Variants in SPAG9 observed in about 807,000 individuals in gnomAD.
SPAG9 encodes sperm associated antigen 9, also known as C-Jun-amino-terminal kinase-interacting protein 4.
In SPAG9, 35 loss-of-function variants were observed where a neutral mutation model predicts 166.5. That is an observed-to-expected ratio of 0.21 (90% confidence interval 0.16 to 0.28). The LOEUF is 0.28. Among genes scored for constraint, SPAG9 ranks in the 10% least tolerant of loss-of-function variants. The probability of loss-of-function intolerance (pLI) is 1.00; values close to 1 mark genes in which losing one functional copy is unlikely to be tolerated. For missense variants in SPAG9, 1,235 were observed against 1,603.3 expected (o/e 0.77, Z 3.92); for synonymous variants, 534 against 565.5 (o/e 0.94, Z 0.79).
chr17:51,022,633 A>AATG (rs2045984258), intron 6 of SPAG9, among the ~76,000 whole-genome samples: 1 of 148,294 alleles, frequency 6.7e-6, no homozygotes, highest in South Asian at 2.1e-4. Flanking sequence ...CACCACCACT[A>AATG]ATAATAATAA....
intron 2 of SPAG9, among the ~76,000 whole-genome samples, chr17:51,060,288 TG>T (rs1240608116): frequency 6.6e-6 from 1 of 151,766 alleles, no homozygotes; most frequent in Non-Finnish European, 1.5e-5. Flanking sequence ...GTGGATTACC[TG>T]GGCAAGAGTT....
intron 1 of SPAG9, among the ~76,000 whole-genome samples, chr17:51,109,726 CTTTTT>C (rs1474600982): frequency 1.3e-5 from 2 of 150,986 alleles, no homozygotes; most frequent in South Asian, 2.1e-4. Context: ...CTTTTCTTTT[CTTTTT>C]GACAGAGTCT....
At chr17:51,026,320 GAAAAAAAAAAAAAA>G (rs55851511) in intron 6 of SPAG9, among the ~76,000 whole-genome samples, 2 of 89,370 alleles carry the variant, frequency 2.2e-5, no homozygotes, top group African/African-American at 4.2e-5. Context: ...GGTGAAAAGA[GAAAAAAAAAAAAAA>G]AAAAAAAAAA....
At chr17:51,044,183 A>G (rs2046940423) in intron 4 of SPAG9, among the ~76,000 whole-genome samples, 1 of 152,224 alleles carries the variant, frequency 6.6e-6, no homozygotes, top group South Asian at 2.1e-4. Flanking sequence ...AAGGGAGAGA[A>G]GGACGCATAA....
rs1486849329 is a variant in SPAG9 at position 51,120,019 on chromosome 17, C to T, written c.303+335G>A. 6.6e-6 allele frequency among the ~76,000 whole-genome samples: 1 copy of T among 152,216 alleles called. No homozygotes were observed. Among genetic ancestry groups the T allele is most frequent in the Non-Finnish European group, 1.5e-5 (1 of 68,042 alleles). On this transcript the variant is annotated intron_variant, in intron 1 of 29. Transcript: ENST00000262013. The surrounding 1 kb of genome is among the most constrained non-coding windows in gnomAD (Gnocchi z 4.7). Reference sequence around the variant, plus strand: ...CGCCATCTGACTATCCCACGGTGGTCGGAAACTTCCCTCAACAAGAAGCAA... The same window carrying T: ...CGCCATCTGACTATCCCACGGTGGTTGGAAACTTCCCTCAACAAGAAGCAA...
chr17:51,117,708 CAAAAAAAAA>C (rs397856959), intron 1 of SPAG9, among the ~76,000 whole-genome samples: 4 of 41,726 alleles, frequency 9.6e-5, no homozygotes, highest in East Asian at 9.6e-4. Flanking sequence ...GACTCCGTCT[CAAAAAAAAA>C]AAAAAAAAAA....
intron 19 of SPAG9, among the ~76,000 whole-genome samples, chr17:50,991,662 T>G (rs1012427480): frequency 6.6e-6 from 1 of 151,864 alleles, no homozygotes; most frequent in African/African-American, 2.4e-5. Context: ...TCACTCTTGT[T>G]GCCCAGGCTG....
chr17:51,003,683 T>A (rs550848595), intron 12 of SPAG9, among the ~76,000 whole-genome samples: 1 of 152,324 alleles, frequency 6.6e-6, no homozygotes, highest in Admixed American at 6.5e-5. Context: ...ACATTTTGGA[T>A]CAAAGCTGAA....
At position 51,114,832 on chromosome 17, in the gene SPAG9, A is replaced by G. The variant is rs575700443; in HGVS notation, c.303+5522T>C. Among the ~76,000 whole-genome samples, 9 of 151,894 alleles carry G rather than the reference A, an allele frequency of 5.9e-5. No homozygotes were observed. The South Asian group carries it at 1.9e-3, about 32-fold the overall frequency. ...CCGGGTGTAGTGGTGCACACCTGTA[A>G]TCCCAGCTACTCAGGCAGCTGAGGC... is the stretch of plus-strand genomic sequence containing the variant. On this transcript the variant is annotated intron_variant, in intron 1 of 29. Coordinates refer to ENST00000262013, the MANE Select transcript of SPAG9 (RefSeq NM_001130528.3).
At chr17:50,999,617 C>A in intron 14 of SPAG9, 44 bp downstream of exon 14, 1 of 1,525,412 alleles carries the variant, frequency 6.6e-7, no homozygotes, top group Non-Finnish European at 8.9e-7. Flanking sequence ...CTGTAATTTT[C>A]TTGTCTCATG....
intron 19 of SPAG9, among the ~76,000 whole-genome samples, chr17:50,993,274 C>A (rs186709455): frequency 1.4e-5 from 2 of 146,676 alleles, no homozygotes; most frequent in East Asian, 4.0e-4. Context: ...CGAGATCATG[C>A]CATTGCACTC....
chr17:51,067,233 C>T (rs1193752695), intron 2 of SPAG9, among the ~76,000 whole-genome samples: 2 of 152,118 alleles, frequency 1.3e-5, no homozygotes, highest in Admixed American at 1.3e-4. Context: ...AGTACAACAA[C>T]ATATCCAATG....
chr17:50,999,629 G>T, intron 14 of SPAG9, 32 bp downstream of exon 14: 1 of 1,564,020 alleles, frequency 6.4e-7, no homozygotes, highest in Non-Finnish European at 8.8e-7. Context: ...TGTCTCATGT[G>T]CTGTCTAACA....
At chr17:51,118,115 CAGAG>C (rs2049348563) in intron 1 of SPAG9, among the ~76,000 whole-genome samples, 4 of 146,256 alleles carry the variant, frequency 2.7e-5, no homozygotes, top group Admixed American at 1.4e-4. Context: ...AGCCTGGCGA[CAGAG>C]AGAGACTCTG....
chr17:51,116,553 G>A (rs2049292762), intron 1 of SPAG9, among the ~76,000 whole-genome samples: 1 of 152,224 alleles, frequency 6.6e-6, no homozygotes, highest in East Asian at 1.9e-4. Context: ...GATCACTTGA[G>A]CCCAGGAGTT....
intron 5 of SPAG9, among the ~76,000 whole-genome samples, chr17:51,039,325 C>T (rs1312379491): frequency 1.3e-5 from 2 of 152,102 alleles, no homozygotes; most frequent in Non-Finnish European, 2.9e-5. Flanking sequence ...TGTGGCATAG[C>T]CCACAAGTGA....
intron 2 of SPAG9, among the ~76,000 whole-genome samples, chr17:51,067,789 T>C (rs1208214968): frequency 3.3e-5 from 5 of 151,408 alleles, no homozygotes; most frequent in African/African-American, 7.3e-5. Context: ...AAAAGACAAA[T>C]CCAAAATTTC....
At chr17:51,080,037 G>A (rs1400557461) in intron 1 of SPAG9, among the ~76,000 whole-genome samples, 1 of 152,034 alleles carries the variant, frequency 6.6e-6, no homozygotes, top group Non-Finnish European at 1.5e-5. Flanking sequence ...ATGTACAATA[G>A]AGAACAAAAG....
At chr17:50,985,107 G>T in intron 23 of SPAG9, 117 bp from the exon 24 acceptor site, 1 of 771,790 alleles carries the variant, frequency 1.3e-6, no homozygotes, top group Non-Finnish European at 2.2e-6. Flanking sequence ...TTAAGGAGCT[G>T]ACACCTGAAT....
Sources: allele counts gnomAD v4.1 joint callset (sites outside exome capture counted in the v4.1 genomes callset), GRCh38; gene constraint gnomAD v4.1.1; non-coding constraint Gnocchi (gnomAD v3.1); transcripts MANE v1.5; gene names NCBI Gene and HGNC (gene_info 2026-07-23, HGNC 2026-07-21).